GALNTL6: variants seen among roughly 807,000 people sequenced by gnomAD.
GALNTL6 encodes the protein polypeptide N-acetylgalactosaminyltransferase-like 6.
Under a neutral mutation model 73.7 loss-of-function variants are expected in GALNTL6, and 46 were observed. The ratio of observed to expected loss-of-function variants is 0.62; its 90% CI spans 0.49 to 0.80. The LOEUF (loss-of-function observed/expected upper bound fraction) is 0.80. GALNTL6 is among the 30% of genes least tolerant of loss of function. The pLI, the probability that GALNTL6 is intolerant of heterozygous loss-of-function variation, is 0.00. For synonymous variants in GALNTL6, 259 were observed against 263.7 expected, an observed-to-expected ratio of 0.98 and a Z score of 0.17; for missense variants, 604 against 755.0, an observed-to-expected ratio of 0.80 and a Z score of 2.34.
At chr4:172,390,435 A>G (rs1743623216) in intron 5 of GALNTL6, among the ~76,000 whole-genome samples, 1 of 152,196 alleles carries the variant, frequency 6.6e-6, no homozygotes. Context: ...AATTTCAGAA[A>G]TAAACAATTG....
At chr4:172,303,796 T>C (rs1381732108) in intron 3 of GALNTL6, among the ~76,000 whole-genome samples, 3 of 152,204 alleles carry the variant, frequency 2.0e-5, no homozygotes, top group Non-Finnish European at 4.4e-5. Flanking sequence ...ATATGCTGTT[T>C]TATATCTTTT....
At chr4:172,437,668 T>C (rs1579071093) in intron 5 of GALNTL6, among the ~76,000 whole-genome samples, 2 of 152,124 alleles carry the variant, frequency 1.3e-5, no homozygotes, top group African/African-American at 4.8e-5. Context: ...CTTTCCCTAA[T>C]GTTGAAACAT....
intron 7 of GALNTL6, among the ~76,000 whole-genome samples, chr4:172,871,918 C>T (rs1465380993): frequency 6.6e-6 from 1 of 151,852 alleles, no homozygotes; most frequent in Admixed American, 6.6e-5. Context: ...CGATTAGCTC[C>T]GATTAGCTGG....
chr4:172,490,868 T>C (rs772494557), intron 5 of GALNTL6, among the ~76,000 whole-genome samples: 1 of 152,146 alleles, frequency 6.6e-6, no homozygotes, highest in Non-Finnish European at 1.5e-5. Flanking sequence ...TAAAGTCACG[T>C]TGAAGACTTC....
rs1483914546 is a variant in GALNTL6, at chr4:172,809,700, T to C, written c.739+154T>C. Among the ~76,000 whole-genome samples, 1 of 152,164 alleles carries C rather than the reference T, an allele frequency of 6.6e-6. No homozygotes were observed. Among genetic ancestry groups the C allele is most frequent in the Non-Finnish European group, 1.5e-5 (1 of 68,022 alleles). On this transcript the variant is annotated intron_variant, in intron 6 of 12. Coordinates refer to ENST00000506823, the MANE Select transcript of GALNTL6 (RefSeq NM_001034845.3). The surrounding 1 kb of genome is among the most constrained non-coding windows in gnomAD (Gnocchi z 4.4). Reference sequence around the variant, plus strand: ...TTATATTTACCACTGCTGAAAACAGTTTACTAGGTAACTGTTTTAGGCAGT... The same window carrying C: ...TTATATTTACCACTGCTGAAAACAGCTTACTAGGTAACTGTTTTAGGCAGT...
chr4:171,893,186 C>T (rs146700662), intron 2 of GALNTL6, among the ~76,000 whole-genome samples: 194 of 152,286 alleles, frequency 1.3e-3, no homozygotes, highest in African/African-American at 4.3e-3. Context: ...ACTTCAAAGA[C>T]GGCAGACTGC....
At chr4:171,901,313 A>T (rs1367700463) in intron 2 of GALNTL6, among the ~76,000 whole-genome samples, 1 of 152,176 alleles carries the variant, frequency 6.6e-6, no homozygotes, top group African/African-American at 2.4e-5. Context: ...CATTTTCCAT[A>T]TGCGGTAGCT....
At chr4:172,192,738 C>G (rs924372689) in intron 2 of GALNTL6, among the ~76,000 whole-genome samples, 5 of 152,140 alleles carry the variant, frequency 3.3e-5, no homozygotes, top group African/African-American at 4.8e-5. Flanking sequence ...CAGAGCTGTG[C>G]AGATGCTTGG....
intron 5 of GALNTL6, among the ~76,000 whole-genome samples, chr4:172,660,464 G>GA (rs1416995409): frequency 6.6e-6 from 1 of 152,230 alleles, no homozygotes; most frequent in Non-Finnish European, 1.5e-5. Context: ...CAAGGAAGCG[G>GA]AATGTTGAAC....
At chr4:172,676,585 A>G (rs1166167151) in intron 5 of GALNTL6, among the ~76,000 whole-genome samples, 1 of 152,164 alleles carries the variant, frequency 6.6e-6, no homozygotes, top group Non-Finnish European at 1.5e-5. Context: ...GCTTTCTTAT[A>G]CAAAACACAA....
chr4:172,735,222 C>T (rs1048296121), intron 5 of GALNTL6, among the ~76,000 whole-genome samples: 3 of 152,180 alleles, frequency 2.0e-5, no homozygotes, highest in Admixed American at 6.5e-5. Context: ...GTGCTCTGTA[C>T]CCTGCAAAGC....
intron 5 of GALNTL6, among the ~76,000 whole-genome samples, chr4:172,590,627 A>C (rs1005307974): frequency 6.6e-6 from 1 of 152,150 alleles, no homozygotes; most frequent in Non-Finnish European, 1.5e-5. Flanking sequence ...TTTCACACCC[A>C]AGGATTCTGT....
chr4:172,653,228 T>TG (rs1462723171), intron 5 of GALNTL6, among the ~76,000 whole-genome samples: 3 of 151,230 alleles, frequency 2.0e-5, no homozygotes, highest in African/African-American at 7.3e-5. Context: ...TTCTTCCTTT[T>TG]TTTTTTTTGA....
intron 2 of GALNTL6, among the ~76,000 whole-genome samples, chr4:171,952,120 A>G (rs1738902352): frequency 6.6e-6 from 1 of 152,198 alleles, no homozygotes; most frequent in South Asian, 2.1e-4. Flanking sequence ...ATTGGAATGG[A>G]GATAAACTAG....
At chr4:172,043,877 A>G (rs868465102) in intron 2 of GALNTL6, among the ~76,000 whole-genome samples, 1 of 152,092 alleles carries the variant, frequency 6.6e-6, no homozygotes, top group South Asian at 2.1e-4. Flanking sequence ...TTCGCTTTAA[A>G]TGTCACAAGT....
At chr4:172,435,628 T>C (rs1731608113) in intron 5 of GALNTL6, among the ~76,000 whole-genome samples, 1 of 152,090 alleles carries the variant, frequency 6.6e-6, no homozygotes, top group South Asian at 2.1e-4. Flanking sequence ...GAGGAAAAGA[T>C]TTTTTTCCCC....
rs141844156 is a variant in GALNTL6 at position 172,266,852 on chromosome 4, A to G, written c.247+37088A>G. 4.2e-3 allele frequency among the ~76,000 whole-genome samples: 643 copies of G among 152,114 alleles called. 3 individuals are homozygous for G. The highest frequency in any genetic ancestry group is 6.3e-3 in the Non-Finnish European group (429 of 67,990). Reference sequence around the variant, plus strand: ...TCTTTCTGTGTCTCTTTCTGTCTCTATGTCTCTCTTCTCATCAACTGAGTC... The same window carrying G: ...TCTTTCTGTGTCTCTTTCTGTCTCTGTGTCTCTCTTCTCATCAACTGAGTC... On this transcript the variant is annotated intron_variant, in intron 3 of 12. Coordinates refer to ENST00000506823, the MANE Select transcript of GALNTL6 (RefSeq NM_001034845.3).
intron 2 of GALNTL6, among the ~76,000 whole-genome samples, chr4:172,092,026 C>G (rs186608190): frequency 1.3e-5 from 2 of 151,912 alleles, no homozygotes; most frequent in Non-Finnish European, 2.9e-5. Flanking sequence ...ATGACATAAC[C>G]TCATAATTGT....
chr4:172,501,763 T>C (rs1431948400), intron 5 of GALNTL6, among the ~76,000 whole-genome samples: 3 of 152,176 alleles, frequency 2.0e-5, no homozygotes, highest in Admixed American at 1.3e-4. Flanking sequence ...AGTTGCCTTA[T>C]TTAAAAAAAT....
Sources: allele counts gnomAD v4.1 joint callset (sites outside exome capture counted in the v4.1 genomes callset), GRCh38; gene constraint gnomAD v4.1.1; non-coding constraint Gnocchi (gnomAD v3.1); transcripts MANE v1.5; gene names NCBI Gene and HGNC (gene_info 2026-07-23, HGNC 2026-07-21).